The following CTTNBP2NL variants were observed in gnomAD, a reference collection of about 807,000 sequenced individuals.
CTTNBP2NL encodes CTTNBP2 N-terminal like.
Under a neutral mutation model 32.5 loss-of-function variants are expected in CTTNBP2NL, and 16 were observed. That is an observed-to-expected ratio of 0.49 (90% confidence interval 0.33 to 0.75). The LOEUF (loss-of-function observed/expected upper bound fraction) is 0.75. Among genes scored for constraint, CTTNBP2NL ranks in the 30% least tolerant of loss-of-function variants. The pLI, the probability that CTTNBP2NL is intolerant of heterozygous loss-of-function variation, is 0.02. For missense variants in CTTNBP2NL, 645 were observed against 756.0 expected (o/e 0.85, Z 1.72); for synonymous variants, 298 against 289.4 (o/e 1.03, Z -0.30).
chr1:112,398,654 A>G (rs1648399808), intron 1 of CTTNBP2NL, among the ~76,000 whole-genome samples: 1 of 151,994 alleles, frequency 6.6e-6, no homozygotes, highest in Non-Finnish European at 1.5e-5. Flanking sequence ...TTATAAAGAA[A>G]TATCTGTGAG....
chr1:112,442,167 C>G (rs756230362), intron 3 of CTTNBP2NL, among the ~76,000 whole-genome samples: 15 of 152,070 alleles, frequency 9.9e-5, no homozygotes, highest in African/African-American at 3.6e-4. Flanking sequence ...ACTCTGTCAC[C>G]CAGGCTGGAG....
At chr1:112,442,172 C>T (rs1381824509) in intron 3 of CTTNBP2NL, among the ~76,000 whole-genome samples, 1 of 152,198 alleles carries the variant, frequency 6.6e-6, no homozygotes, top group African/African-American at 2.4e-5. Flanking sequence ...GTCACCCAGG[C>T]TGGAGTGCAG....
chr1:112,456,468 A>G lies in CTTNBP2NL; in HGVS notation c.976A>G (p.Asn326Asp). Reference protein sequence around the residue: ...SFPAERTHGSNIAKMTNTGLP... With the variant: ...SFPAERTHGSDIAKMTNTGLP... ...TCCAGCAGAAAGAACCCATGGGAGC[A>G]ACATAGCCAAGATGACAAACACTGG... Residue 326 changes from asparagine to aspartate, a missense_variant, in exon 6 of 6, where the codon AAC becomes GAC. Coordinates refer to ENST00000271277, the MANE Select transcript of CTTNBP2NL (RefSeq NM_018704.3). The G allele has an allele frequency of 6.2e-7, 1 of 1,614,208 alleles. No homozygotes were observed. Among genetic ancestry groups the G allele is most frequent in the Non-Finnish European group, 8.5e-7 (1 of 1,180,038 alleles).
At chr1:112,402,315 G>A (rs1259046568) in intron 1 of CTTNBP2NL, among the ~76,000 whole-genome samples, 11 of 152,166 alleles carry the variant, frequency 7.2e-5, no homozygotes, top group Non-Finnish European at 1.6e-4. Context: ...CTACTCGGGA[G>A]GCCAAGACAG....
upstream of CTTNBP2NL, among the ~76,000 whole-genome samples, chr1:112,394,695 C>T (rs896232751): frequency 2.0e-5 from 3 of 152,198 alleles, no homozygotes; most frequent in Non-Finnish European, 4.4e-5. Context: ...ATAGAGCTGT[C>T]CTTCTGGCTC....
intron 1 of CTTNBP2NL, among the ~76,000 whole-genome samples, chr1:112,405,563 G>C (rs945672890): frequency 2.0e-5 from 3 of 152,182 alleles, no homozygotes; most frequent in African/African-American, 7.2e-5. Flanking sequence ...ATTCCAAAGT[G>C]CTGGGATTAC....
intron 3 of CTTNBP2NL, among the ~76,000 whole-genome samples, chr1:112,447,134 C>T (rs898404591): frequency 9.9e-5 from 15 of 151,690 alleles, no homozygotes; most frequent in East Asian, 1.9e-4. Context: ...ATTAGCCGGG[C>T]GTGGTGGTGG....
chr1:112,397,479 A>T (rs950937348), intron 1 of CTTNBP2NL, among the ~76,000 whole-genome samples: 2 of 152,230 alleles, frequency 1.3e-5, no homozygotes, highest in African/African-American at 2.4e-5. Context: ...TTTTACGATC[A>T]TCTATCAAAA....
chr1:112,448,552 A>G (rs1650121503), intron 3 of CTTNBP2NL, among the ~76,000 whole-genome samples: 2 of 152,190 alleles, frequency 1.3e-5, no homozygotes, highest in Admixed American at 1.3e-4. Flanking sequence ...GTAAGCACAG[A>G]GGTTAAGGAC....
chr1:112,395,492 TATA>T (rs1557880932), upstream of CTTNBP2NL, among the ~76,000 whole-genome samples: 1 of 152,008 alleles, frequency 6.6e-6, no homozygotes. Context: ...TTCCCCACAA[TATA>T]ATGAGGCCAA....
Position 112,424,950 on chromosome 1 carries a change from G to T in CTTNBP2NL, c.99+8686G>T, listed in dbSNP as rs572934140. On this transcript the variant is annotated intron_variant, in intron 3 of 5. Coordinates refer to ENST00000271277, the MANE Select transcript of CTTNBP2NL (RefSeq NM_018704.3). ...CCTGCCTTAGCCTCCCAAGTAGCTA[G>T]GACTACAGGCACACACCACAACGCC... Among the ~76,000 whole-genome samples, 8 of 151,756 alleles carry T rather than the reference G, an allele frequency of 5.3e-5. No homozygotes were observed. In the East Asian group the frequency reaches 1.6e-3, roughly 29 times the overall value.
intron 3 of CTTNBP2NL, among the ~76,000 whole-genome samples, chr1:112,422,349 G>T (rs1404154411): frequency 1.3e-5 from 2 of 152,026 alleles, no homozygotes; most frequent in Non-Finnish European, 2.9e-5. Context: ...AATAGTGTTG[G>T]CATTATATGT....
intron 3 of CTTNBP2NL, among the ~76,000 whole-genome samples, chr1:112,435,694 A>G (rs1649708749): frequency 6.6e-6 from 1 of 152,238 alleles, no homozygotes; most frequent in Non-Finnish European, 1.5e-5. Flanking sequence ...AGGATACCAC[A>G]TAATTGGAAT....
the CTTNBP2NL span, among the ~76,000 whole-genome samples, chr1:112,391,199 C>T: frequency 6.6e-6 from 1 of 152,154 alleles, no homozygotes; most frequent in Non-Finnish European, 1.5e-5. Flanking sequence ...ACCTTGCCTT[C>T]GGCTTCAGCC....
At chr1:112,400,966 CAAAAAAAAAAAA>C (rs56784970) in intron 1 of CTTNBP2NL, among the ~76,000 whole-genome samples, 6,084 of 103,078 alleles carry the variant, frequency 0.059, 245 homozygotes, top group East Asian at 0.12. Flanking sequence ...ACTCTGTCAC[CAAAAAAAAAAAA>C]AAAAAAAAAA....
chr1:112,415,903 G>A (rs1033085943), intron 2 of CTTNBP2NL: 17 of 364,598 alleles, frequency 4.7e-5, no homozygotes, highest in Non-Finnish European at 7.4e-5. Context: ...GTTTGTAAAC[G>A]TGTCTGGAGG....
At chr1:112,394,624 GTCT>G (rs1570706915), upstream of CTTNBP2NL, among the ~76,000 whole-genome samples, 1 of 152,228 alleles carries the variant, frequency 6.6e-6, no homozygotes, top group East Asian at 1.9e-4. Flanking sequence ...TTCACTCATA[GTCT>G]TGCTATCCTT....
At position 112,438,933 on chromosome 1, in the gene CTTNBP2NL, C is replaced by T. The variant is rs116032914; in HGVS notation, c.100-10009C>T. Among the ~76,000 whole-genome samples the T allele has an allele frequency of 4.5e-3, 685 of 152,256 alleles. 5 individuals are homozygous for T. Among genetic ancestry groups the T allele is most frequent in the African/African-American group, 0.016 (656 of 41,550 alleles). On this transcript the variant is annotated intron_variant, in intron 3 of 5. Transcript: ENST00000271277. The stretch of plus-strand genomic sequence containing the variant: ...GTTTTTACTCTCTCCCCATTTTGTT[C>T]TCTAGAGAAGAATGATCCTTCCTTA...
At chr1:112,405,786 C>T (rs1041437853) in intron 1 of CTTNBP2NL, among the ~76,000 whole-genome samples, 1 of 152,188 alleles carries the variant, frequency 6.6e-6, no homozygotes, top group African/African-American at 2.4e-5. Context: ...CACATTCACA[C>T]TCACAGAGAG....
Sources: gnomAD v4.1 joint callset for allele counts (sites outside exome capture counted in the v4.1 genomes callset) on GRCh38, gnomAD v4.1.1 for gene constraint, MANE v1.5 for transcripts, NCBI Gene and HGNC (gene_info 2026-07-23, HGNC 2026-07-21) for gene names.